Variants in SLC8A1 observed in about 807,000 individuals in gnomAD.
The protein encoded by SLC8A1 is solute carrier family 8 member A1.
SLC8A1 carries 18 observed loss-of-function variants against 68.3 expected under a neutral mutation model. That is an observed-to-expected ratio of 0.26 (90% confidence interval 0.18 to 0.39). The LOEUF (loss-of-function observed/expected upper bound fraction) is 0.39. Ranked by LOEUF, SLC8A1 falls within the 10% of genes least tolerant of loss-of-function variation. SLC8A1 has a pLI of 1.00. For missense variants in SLC8A1, 985 were observed against 1,156.7 expected, an observed-to-expected ratio of 0.85 and a Z score of 2.15; for synonymous variants, 475 against 415.5, an observed-to-expected ratio of 1.14 and a Z score of -1.74.
At chr2:40,243,597 G>A (rs2061480271) in intron 2 of SLC8A1, among the ~76,000 whole-genome samples, 1 of 152,202 alleles carries the variant, frequency 6.6e-6, no homozygotes, top group South Asian at 2.1e-4. Flanking sequence ...AGACTAAGAA[G>A]TCTATTCAAA....
chr2:40,454,469 C>G (rs1348243165), upstream of SLC8A1, among the ~76,000 whole-genome samples: 1 of 145,042 alleles, frequency 6.9e-6, no homozygotes, highest in Non-Finnish European at 1.5e-5. Context: ...TGCCCAAAGT[C>G]TGTCTTAAGA....
chr2:40,203,864 C>G (rs773197970), intron 2 of SLC8A1, among the ~76,000 whole-genome samples: 38 of 151,832 alleles, frequency 2.5e-4, no homozygotes, highest in Non-Finnish European at 5.2e-4. Flanking sequence ...ACTACCACAC[C>G]TGGCTAATTT....
intron 7 of SLC8A1, 104 bp downstream of exon 10, chr2:40,139,297 G>T: frequency 7.7e-7 from 1 of 1,290,510 alleles, no homozygotes; most frequent in Non-Finnish European, 1.1e-6. Flanking sequence ...TCTTTCATAG[G>T]TCTTGGTTTG....
chr2:40,350,642 A>G (rs1408899638), intron 2 of SLC8A1, among the ~76,000 whole-genome samples: 1 of 146,978 alleles, frequency 6.8e-6, no homozygotes, highest in Non-Finnish European at 1.5e-5. Context: ...GTATGGCTGA[A>G]TTATTACTCT....
chr2:40,419,960 T>C (rs897175140), intron 2 of SLC8A1, among the ~76,000 whole-genome samples: 1 of 152,162 alleles, frequency 6.6e-6, no homozygotes, highest in Non-Finnish European at 1.5e-5. Flanking sequence ...AAAACCACCT[T>C]GTTCGAAAAC....
chr2:40,213,577 C>G (rs976430336), intron 2 of SLC8A1: 1 of 152,210 alleles, frequency 6.6e-6, no homozygotes. Flanking sequence ...ACTTGGGGTA[C>G]TTAACCAAAG....
At chr2:40,189,440 C>G (rs2051329630) in intron 2 of SLC8A1, among the ~76,000 whole-genome samples, 1 of 152,168 alleles carries the variant, frequency 6.6e-6, no homozygotes, top group Admixed American at 6.5e-5. Context: ...CCTGCCTCAA[C>G]CTCCTGAGTA....
intron 2 of SLC8A1, among the ~76,000 whole-genome samples, chr2:40,364,605 A>G (rs1360226608): frequency 2.0e-5 from 3 of 151,962 alleles, no homozygotes; most frequent in Non-Finnish European, 4.4e-5. Flanking sequence ...ACCCTCAGAT[A>G]AACAGATTCC....
At chr2:40,372,234 A>G (rs1038266761) in intron 2 of SLC8A1, among the ~76,000 whole-genome samples, 7 of 152,100 alleles carry the variant, frequency 4.6e-5, no homozygotes, top group Non-Finnish European at 1.0e-4. Flanking sequence ...ATATGGTCAC[A>G]GAAATCCTAA....
chr2:40,182,441 T>C (rs771087777), intron 2 of SLC8A1, among the ~76,000 whole-genome samples: 9 of 152,166 alleles, frequency 5.9e-5, no homozygotes, highest in Non-Finnish European at 1.3e-4. Context: ...TATTTCTTAA[T>C]ATGGCCAAAA....
At chr2:40,332,438 C>CG (rs35961348) in intron 2 of SLC8A1, among the ~76,000 whole-genome samples, 31,533 of 89,006 alleles carry the variant, frequency 0.35, 4,063 homozygotes, top group East Asian at 0.45. Flanking sequence ...AGGACGGGGG[C>CG]GGGGGGCGGT....
At chr2:40,414,971 C>A (rs1693357781) in intron 2 of SLC8A1, among the ~76,000 whole-genome samples, 1 of 152,080 alleles carries the variant, frequency 6.6e-6, no homozygotes, top group Non-Finnish European at 1.5e-5. Flanking sequence ...AGATTTATGT[C>A]ATCTAGATAT....
intron 6 of SLC8A1, among the ~76,000 whole-genome samples, chr2:40,150,060 A>AAAC (rs2043141167): frequency 6.6e-6 from 1 of 151,184 alleles, no homozygotes; most frequent in South Asian, 2.1e-4. Flanking sequence ...TTAAAAAAAA[A>AAAC]AAAAAAAAAA....
At chr2:40,459,383 G>A (rs1009093900) in intron 1 of SLC8A1, among the ~76,000 whole-genome samples, 4 of 150,760 alleles carry the variant, frequency 2.7e-5, no homozygotes, top group Non-Finnish European at 4.4e-5. Flanking sequence ...TTTTTGTTTT[G>A]AAAATTTGTT....
exon 8 of SLC8A1, chr2:40,102,523 C>A (rs747166871): frequency 6.6e-6 from 1 of 152,118 alleles, no homozygotes; most frequent in Non-Finnish European, 1.5e-5. Context: ...TTAGAATCTG[C>A]AGTTTGTTCA....
intron 2 of SLC8A1, among the ~76,000 whole-genome samples, chr2:40,384,890 A>T (rs1683066395): frequency 6.6e-6 from 1 of 151,846 alleles, no homozygotes; most frequent in Non-Finnish European, 1.5e-5. Flanking sequence ...GTAGATTAAC[A>T]ACTGTTACTT....
intron 2 of SLC8A1, among the ~76,000 whole-genome samples, chr2:40,365,294 A>T (rs944222457): frequency 6.6e-6 from 1 of 152,062 alleles, no homozygotes; most frequent in African/African-American, 2.4e-5. Flanking sequence ...TCAGCTATAC[A>T]TTGACATATC....
intron 1 of SLC8A1, among the ~76,000 whole-genome samples, chr2:40,433,940 C>T (rs1277396825): frequency 6.6e-6 from 1 of 152,136 alleles, no homozygotes; most frequent in Non-Finnish European, 1.5e-5. Flanking sequence ...CTCAAACAGA[C>T]AAGCATCAAT....
intron 2 of SLC8A1, among the ~76,000 whole-genome samples, chr2:40,217,784 T>G (rs888758670): frequency 1.3e-5 from 2 of 152,234 alleles, no homozygotes; most frequent in African/African-American, 4.8e-5. Flanking sequence ...ACACATAATG[T>G]TAATTTCAAG....
Sources: gnomAD v4.1 joint callset for allele counts (sites outside exome capture counted in the v4.1 genomes callset) on GRCh38, gnomAD v4.1.1 for gene constraint, MANE v1.5 for transcripts, NCBI Gene and HGNC (gene_info 2026-07-23, HGNC 2026-07-21) for gene names.